AEN: variants seen among roughly 807,000 people sequenced by gnomAD.
AEN encodes the protein apoptosis enhancing nuclease, also known as apoptosis-enhancing nuclease.
In AEN, 21 loss-of-function variants were observed where a neutral mutation model predicts 17.7. The observed-to-expected ratio is 1.19, with a 90% CI of 0.84 to 1.71. The LOEUF (loss-of-function observed/expected upper bound fraction) is 1.71. Among genes scored for constraint, AEN ranks in the 40% most tolerant of loss-of-function variants. The pLI is 0.00. For missense variants in AEN, 462 were observed against 435.9 expected (o/e 1.06, Z -0.53); for synonymous variants, 190 against 173.0 (o/e 1.10, Z -0.77).
chr15:88,615,105 C>G, the AEN span, among the ~76,000 whole-genome samples: 7 of 151,604 alleles, frequency 4.6e-5, no homozygotes, highest in African/African-American at 1.7e-4. Context: ...ACCTCGTGAT[C>G]CGCCCACCTC....
At chr15:88,615,786 T>C in the AEN span, among the ~76,000 whole-genome samples, 477 of 152,038 alleles carry the variant, frequency 3.1e-3, 3 homozygotes, top group African/African-American at 0.01. Context: ...GCTCTAAAAA[T>C]TGAGCAGATC....
At position 88,631,671 on chromosome 15, in the gene AEN, A is replaced by G. The variant is rs2057930034; in HGVS notation, c.*1377A>G. On this transcript the variant is annotated 3_prime_UTR_variant, in exon 4 of 4. Coordinates refer to ENST00000332810, the MANE Select transcript of AEN (RefSeq NM_022767.4). ...TGTTTATCCCCCTTTTTTTTTTTTA[A>G]GCCCATTGTTTATTCTTTGAGAATT... 6.6e-6 allele frequency: 1 copy of G among 151,720 alleles called. No individual in the cohort carries two copies. The highest frequency in any genetic ancestry group is 2.1e-4 in the South Asian group (1 of 4,864). 9.4% of individuals were successfully genotyped at this position (151,720 alleles called of 1,614,324 possible).
the AEN span, among the ~76,000 whole-genome samples, chr15:88,613,214 T>A: frequency 6.6e-6 from 1 of 152,206 alleles, no homozygotes; most frequent in Non-Finnish European, 1.5e-5. Flanking sequence ...TTGACCTCTC[T>A]GAACCAAGTC....
chr15:88,625,645 AAG>A (rs2057841678), intron 1 of AEN, among the ~76,000 whole-genome samples: 1 of 152,232 alleles, frequency 6.6e-6, no homozygotes, highest in Non-Finnish European at 1.5e-5. Flanking sequence ...TATTTCAAAA[AAG>A]TATTTCTTAA....
chr15:88,621,278 G>C (rs1238694229), upstream of AEN: 1 of 152,256 alleles, frequency 6.6e-6, no homozygotes, highest in Admixed American at 6.5e-5. Flanking sequence ...CTGCCGTCCA[G>C]CGAGCCAATA....
At chr15:88,614,754 C>A in the AEN span, among the ~76,000 whole-genome samples, 5 of 152,148 alleles carry the variant, frequency 3.3e-5, no homozygotes, top group Non-Finnish European at 7.3e-5. Context: ...TCAGTCTCAG[C>A]GACAAACTAC....
upstream of AEN, among the ~76,000 whole-genome samples, chr15:88,620,353 T>A (rs1032919419): frequency 3.3e-5 from 5 of 152,206 alleles, no homozygotes; most frequent in Non-Finnish European, 7.4e-5. Flanking sequence ...ATAATACGTG[T>A]GAACTGTTTA....
At chr15:88,606,504 A>C in the AEN span, among the ~76,000 whole-genome samples, 1 of 151,140 alleles carries the variant, frequency 6.6e-6, no homozygotes, top group Non-Finnish European at 1.5e-5. Flanking sequence ...GAGAGGCGCT[A>C]TCACAAAAGG....
chr15:88,628,518 G>A (rs1184868042), intron 2 of AEN: 2 of 152,520 alleles, frequency 1.3e-5, no homozygotes, highest in African/African-American at 4.8e-5. Context: ...CAAGAGAGCA[G>A]GTTAAGAGGA....
rs1400222711 is a variant in AEN at position 88,629,105 on chromosome 15, C to T, written c.541-121C>T. 1.1e-5 allele frequency: 11 copies of T among 980,072 alleles called. No individual in the cohort carries two copies. The East Asian group carries it at 2.4e-4, about 22-fold the overall frequency. The allele number at this position is 980,072 out of a possible 1,614,324, so 60.7% of individuals were successfully genotyped here. A position where few individuals can be genotyped will look rare whatever the true frequency, so the allele number is the denominator to read the frequency against. On this transcript the variant is annotated intron_variant, in intron 2 of 3. Coordinates refer to ENST00000332810, the MANE Select transcript of AEN (RefSeq NM_022767.4). ...GACTGTGGAGCTCGTGATCTCCCCA[C>T]TCGGTGCTGCCTCCCCCCACAGGGA...
rs201742877 is a variant in AEN, at chr15:88,630,049, C to G, written c.742-9C>G. 1.2e-6 allele frequency: 2 copies of G among 1,613,584 alleles called. No homozygotes were observed. The highest frequency in any genetic ancestry group is 2.2e-5 in the East Asian group (1 of 44,888). The stretch of plus-strand genomic sequence containing the variant: ...CTGCAGGCAGTGATGTGTTGGCTCT[C>G]GTCAGTAGGTGGGCCAGCACGGGCA... On this transcript the variant is annotated splice_polypyrimidine_tract_variant and intron_variant, in intron 3 of 3. Coordinates refer to ENST00000332810, the MANE Select transcript of AEN (RefSeq NM_022767.4). This position sits in a 1 kb window ranked among gnomAD's most constrained non-coding sequence, Gnocchi z 5.1.
chr15:88,629,926 C>T (rs1025514154), intron 3 of AEN, 132 bp from the exon 4 acceptor site: 1 of 812,764 alleles, frequency 1.2e-6, no homozygotes, highest in Non-Finnish European at 2.0e-6. Context: ...CATCCCTTTT[C>T]TGTGAACCTC....
the AEN span, chr15:88,608,282 A>G: frequency 2.5e-6 from 1 of 394,444 alleles, no homozygotes; most frequent in Admixed American, 2.7e-5. Flanking sequence ...TGGACTCAGG[A>G]TCTGGAATTG....
the AEN span, among the ~76,000 whole-genome samples, chr15:88,609,037 G>T: frequency 2.6e-5 from 4 of 152,292 alleles, no homozygotes; most frequent in East Asian, 7.7e-4. Flanking sequence ...TCTGATAACA[G>T]CCCGGAAGAA....
chr15:88,618,003 C>T (rs8026834), upstream of AEN, among the ~76,000 whole-genome samples: 2,716 of 152,248 alleles, frequency 0.018, 71 homozygotes, highest in African/African-American at 0.056. Flanking sequence ...TACTGCCCCA[C>T]CCTGTCACTC....
the AEN span, chr15:88,607,961 T>G: frequency 3.4e-6 from 1 of 293,648 alleles, no homozygotes; most frequent in South Asian, 3.5e-5. Context: ...CTTTCCTTTA[T>G]GAATTGTCCG....
At chr15:88,613,585 TC>T in the AEN span, among the ~76,000 whole-genome samples, 29 of 107,038 alleles carry the variant, frequency 2.7e-4, no homozygotes, top group African/African-American at 8.2e-4. Context: ...AACAAGCATC[TC>T]GGGGGGGGAT....
chr15:88,610,056 G>A, the AEN span, among the ~76,000 whole-genome samples: 1 of 152,190 alleles, frequency 6.6e-6, no homozygotes, highest in Non-Finnish European at 1.5e-5. Context: ...CCAGAGAGAT[G>A]CTGTGGTTCT....
chr15:88,619,018 A>T (rs916793006), upstream of AEN, among the ~76,000 whole-genome samples: 12 of 152,124 alleles, frequency 7.9e-5, no homozygotes, highest in African/African-American at 2.7e-4. Flanking sequence ...GCTGGTCTCA[A>T]ACTCCTGGCC....
Sources: allele counts gnomAD v4.1 joint callset (sites outside exome capture counted in the v4.1 genomes callset), GRCh38; gene constraint gnomAD v4.1.1; non-coding constraint Gnocchi (gnomAD v3.1); transcripts MANE v1.5; gene names NCBI Gene and HGNC (gene_info 2026-07-23, HGNC 2026-07-21).